Variants in TCF7L1 observed in about 807,000 individuals in gnomAD.
TCF7L1 encodes transcription factor 7 like 1.
In TCF7L1, 18 loss-of-function variants were observed where a neutral mutation model predicts 63.7. That is an observed-to-expected ratio of 0.28 (90% CI 0.20 to 0.42). The LOEUF is 0.42. Among genes scored for constraint, TCF7L1 ranks in the 10% least tolerant of loss-of-function variants. The pLI, the probability that TCF7L1 is intolerant of heterozygous loss-of-function variation, is 1.00. For synonymous variants in TCF7L1, 355 were observed against 340.9 expected, an observed-to-expected ratio of 1.04 and a Z score of -0.46; for missense variants, 654 against 779.3, an observed-to-expected ratio of 0.84 and a Z score of 1.91.
chr2:85,217,783 T>C (rs970785487), intron 3 of TCF7L1, among the ~76,000 whole-genome samples: 1 of 152,224 alleles, frequency 6.6e-6, no homozygotes, highest in African/African-American at 2.4e-5. Context: ...TGCATTATAC[T>C]GACCAGCTGA....
chr2:85,227,949 C>T (rs2104308354), intron 3 of TCF7L1, among the ~76,000 whole-genome samples: 1 of 148,708 alleles, frequency 6.7e-6, no homozygotes, highest in East Asian at 2.0e-4. Context: ...CTATGATCTC[C>T]CTACTGCACT....
chr2:85,146,582 A>G (rs576058386), intron 3 of TCF7L1, among the ~76,000 whole-genome samples: 1 of 143,650 alleles, frequency 7.0e-6, no homozygotes, highest in East Asian at 2.0e-4. Context: ...GCTCACTGCA[A>G]CCTCCGTCTC....
At chr2:85,289,242 G>A (rs1681629518) in intron 4 of TCF7L1, among the ~76,000 whole-genome samples, 1 of 151,126 alleles carries the variant, frequency 6.6e-6, no homozygotes, top group East Asian at 1.9e-4. Flanking sequence ...GTGTGTGTGT[G>A]TGTGTGTGTG....
intron 3 of TCF7L1, among the ~76,000 whole-genome samples, chr2:85,226,946 A>G (rs891601867): frequency 1.3e-5 from 2 of 151,984 alleles, no homozygotes; most frequent in Non-Finnish European, 2.9e-5. Flanking sequence ...CAGCGAGAAC[A>G]GTCAGGGCTT....
At chr2:85,159,459 G>T (rs971061250) in intron 3 of TCF7L1, among the ~76,000 whole-genome samples, 8 of 152,244 alleles carry the variant, frequency 5.3e-5, no homozygotes, top group African/African-American at 1.9e-4. Context: ...AGTTGTGGTG[G>T]TTGTCTGCAT....
At chr2:85,276,554 C>A (rs1681275538) in intron 3 of TCF7L1, among the ~76,000 whole-genome samples, 3 of 152,196 alleles carry the variant, frequency 2.0e-5, no homozygotes, top group Non-Finnish European at 4.4e-5. Context: ...CGTCTCCATT[C>A]TGCCACAGTT....
chr2:85,289,177 T>G (rs1180311734), intron 4 of TCF7L1, among the ~76,000 whole-genome samples: 1 of 151,862 alleles, frequency 6.6e-6, no homozygotes, highest in South Asian at 2.1e-4. Flanking sequence ...AGATCTATAA[T>G]CCCACAACCC....
chr2:85,283,574 A>T lies in TCF7L1; in HGVS notation c.521A>T (p.His174Leu). 1 of 1,614,174 alleles carries T rather than the reference A, an allele frequency of 6.2e-7. No individual in the cohort carries two copies. Among genetic ancestry groups the T allele is most frequent in the Non-Finnish European group, 8.5e-7 (1 of 1,180,018 alleles). Residue 174 changes from histidine (H) to leucine (L), a missense_variant, in exon 4 of 12, where the codon CAC (histidine) becomes CTC (leucine). This residue lies in a region of TCF7L1 where 404 missense variants were observed against 454.8 expected (regional missense o/e 0.89). Transcript: ENST00000282111. Reference sequence around the variant, plus strand: ...GACACGAGGTCACCATCTCCAGCACACTTGGTAAGTCTGTTTCACCTTAAA... The same window carrying T: ...GACACGAGGTCACCATCTCCAGCACTCTTGGTAAGTCTGTTTCACCTTAAA... ...VKDTRSPSPAHLSNKVPVVQH... is the reference protein window; with the variant it reads ...VKDTRSPSPALLSNKVPVVQH...
At chr2:85,181,546 G>A (rs1191907864) in intron 3 of TCF7L1, among the ~76,000 whole-genome samples, 3 of 152,162 alleles carry the variant, frequency 2.0e-5, no homozygotes, top group Admixed American at 6.5e-5. Flanking sequence ...CACACACAGG[G>A]AACCCCAGGC....
chr2:85,306,606 C>T lies in TCF7L1; in HGVS notation c.1257+47C>T. On this transcript the variant is annotated intron_variant, in intron 10 of 11. Transcript: ENST00000282111. This position sits in a 1 kb window ranked among gnomAD's most constrained non-coding sequence, Gnocchi z 4.3. ...AGGACGCTCAGACCCCAGGAACAGCCTCTGCAAGAGGAGGAAGGGTGAAGG... is the reference window on the plus strand; with the variant it reads ...AGGACGCTCAGACCCCAGGAACAGCTTCTGCAAGAGGAGGAAGGGTGAAGG... The T allele has an allele frequency of 6.7e-7, 1 of 1,496,902 alleles. No individual in the cohort carries two copies. Among genetic ancestry groups the T allele is most frequent in the Non-Finnish European group, 9.3e-7 (1 of 1,077,878 alleles). The allele number at this position is 1,496,902 out of a possible 1,614,324, so 92.7% of individuals were successfully genotyped here. A position where few individuals can be genotyped will look rare whatever the true frequency, so the allele number is the denominator to read the frequency against.
At chr2:85,159,377 G>T (rs2104217366) in intron 3 of TCF7L1, among the ~76,000 whole-genome samples, 1 of 152,258 alleles carries the variant, frequency 6.6e-6, no homozygotes, top group Admixed American at 6.5e-5. Flanking sequence ...GCTGTCTGTT[G>T]GTTGCTCTGG....
intron 3 of TCF7L1, among the ~76,000 whole-genome samples, chr2:85,259,504 C>A (rs1680809058): frequency 6.6e-6 from 1 of 152,176 alleles, no homozygotes; most frequent in Admixed American, 6.5e-5. Flanking sequence ...GTGAAAGAAT[C>A]TGAGTTTGTC....
intron 3 of TCF7L1, among the ~76,000 whole-genome samples, chr2:85,280,554 G>T (rs1369101812): frequency 6.6e-6 from 1 of 152,222 alleles, no homozygotes; most frequent in Non-Finnish European, 1.5e-5. Context: ...ATAGGGGGCA[G>T]ATGCTGGTAG....
intron 3 of TCF7L1, among the ~76,000 whole-genome samples, chr2:85,149,986 G>A (rs901701545): frequency 2.2e-4 from 34 of 152,110 alleles, no homozygotes; most frequent in Non-Finnish European, 2.8e-4. Flanking sequence ...AAGGACATTC[G>A]CCAAAGTGTA....
At chr2:85,212,386 G>A (rs550693694) in intron 3 of TCF7L1, among the ~76,000 whole-genome samples, 105 of 152,334 alleles carry the variant, frequency 6.9e-4, no homozygotes, top group Non-Finnish European at 1.1e-3. Context: ...GATTTGCTGA[G>A]CTTCAGTCTG....
Position 85,134,273 on chromosome 2 carries a change from C to A in TCF7L1, c.314-50C>A. 6.6e-7 allele frequency: 1 copy of A among 1,520,420 alleles called. No homozygotes were observed. The highest frequency in any genetic ancestry group is 1.2e-5 in the South Asian group (1 of 80,138). 94.2% of individuals were successfully genotyped at this position (1,520,420 alleles called of 1,614,324 possible). A position where few individuals can be genotyped will look rare whatever the true frequency, so the allele number is the denominator to read the frequency against. On this transcript the variant is annotated intron_variant, in intron 2 of 11. Coordinates refer to ENST00000282111, the MANE Select transcript of TCF7L1 (RefSeq NM_031283.3). The surrounding 1 kb of genome is among the most constrained non-coding windows in gnomAD (Gnocchi z 5.0). Reference sequence around the variant, plus strand: ...CCGCCTCGAGCCCCCTGCCGCGGCGCTGTCAGTCCCGGGGGCCTGGGCCTC... The same window carrying A: ...CCGCCTCGAGCCCCCTGCCGCGGCGATGTCAGTCCCGGGGGCCTGGGCCTC...
intron 3 of TCF7L1, among the ~76,000 whole-genome samples, chr2:85,192,053 T>A (rs976221557): frequency 2.6e-5 from 4 of 152,204 alleles, no homozygotes; most frequent in Non-Finnish European, 5.9e-5. Context: ...AAGGGGACTC[T>A]GTGCTGCATA....
chr2:85,159,324 G>A (rs1029978787), intron 3 of TCF7L1, among the ~76,000 whole-genome samples: 6 of 152,088 alleles, frequency 3.9e-5, no homozygotes, highest in African/African-American at 7.2e-5. Context: ...CATTCACTTC[G>A]GGAACCTGGT....
At chr2:85,176,465 T>C (rs1380783626) in intron 3 of TCF7L1, among the ~76,000 whole-genome samples, 1 of 152,196 alleles carries the variant, frequency 6.6e-6, no homozygotes, top group African/African-American at 2.4e-5. Flanking sequence ...ATTTAGCTGT[T>C]GTTTTCTCCT....
Sources: allele counts gnomAD v4.1 joint callset (sites outside exome capture counted in the v4.1 genomes callset), GRCh38; gene constraint gnomAD v4.1.1; regional missense constraint gnomAD v4.1.1; non-coding constraint Gnocchi (gnomAD v3.1); transcripts MANE v1.5; gene names NCBI Gene and HGNC (gene_info 2026-07-23, HGNC 2026-07-21).